The following RABGGTA variants were observed in gnomAD, a reference collection of about 807,000 sequenced individuals.
RABGGTA encodes geranylgeranyl transferase type-2 subunit alpha.
A neutral mutation model predicts 83.3 loss-of-function variants in RABGGTA; 69 were observed. The observed-to-expected ratio is 0.83, with a 90% CI of 0.68 to 1.01. The LOEUF is 1.01. Among genes scored for constraint, RABGGTA ranks in the 50% least tolerant of loss-of-function variants. RABGGTA has a pLI of 0.00. For missense variants in RABGGTA, 681 were observed against 712.7 expected (o/e 0.96, Z 0.51); for synonymous variants, 310 against 299.8 (o/e 1.03, Z -0.35).
At chr14:24,268,464 A>G in intron 10 of RABGGTA, 44 bp from the exon 11 acceptor site, 2 of 1,604,062 alleles carry the variant, frequency 1.2e-6, no homozygotes, top group Non-Finnish European at 8.5e-7. Context: ...CTTGAGAGGA[A>G]AAGAGTGATG....
chr14:24,266,519 T>TGGGGGCAGG lies in RABGGTA; in HGVS notation c.1468-11_1468-3dup. 1 of 1,613,552 alleles carries TGGGGGCAGG rather than the reference T, an allele frequency of 6.2e-7. No individual in the cohort carries two copies. The highest frequency in any genetic ancestry group is 8.5e-7 in the Non-Finnish European group (1 of 1,179,644). ...GGCATTATCACTGGCCTGCAGCACC[T>TGGGGGCAGG]GGGGGCAGGGAGGGCAGGGAGGCAG... On this transcript the variant is annotated splice_region_variant and splice_polypyrimidine_tract_variant and intron_variant, in intron 15 of 16. Coordinates refer to ENST00000216840, the MANE Select transcript of RABGGTA (RefSeq NM_182836.3).
chr14:24,269,112 G>A lies in RABGGTA; in HGVS notation c.683C>T (p.Ala228Val), dbSNP rs1371338135. The change falls in exon 7 of 17, where the codon GCC becomes GTC. Residue 228 changes from alanine to valine, a missense_variant. Around this residue, in one of 5 missense-constraint regions of RABGGTA, gnomAD observed 11 missense variants for 31.8 expected, o/e 0.35. Coordinates refer to ENST00000216840, the MANE Select transcript of RABGGTA (RefSeq NM_182836.3). ...TAGGAGCCAACGGTGATAAAACCAG[G>A]CACTCTGGTCATTGGGGTCAGTGAA... The part of the protein sequence containing the change: ...AFFTDPNDQS[A>V]WFYHRWLLGR... 6.2e-7 allele frequency: 1 copy of A among 1,611,710 alleles called. No homozygotes were observed. The highest frequency in any genetic ancestry group is 8.5e-7 in the Non-Finnish European group (1 of 1,178,860).
rs374791207 is a variant in RABGGTA, at chr14:24,268,425, G to A, written c.1007-5C>T. ...GGCACCAGCCCTCCTGGCGGCCTGGGGAAAGAGTAGGTGGTTGGAGGGTGC... is the reference window on the plus strand; with the variant it reads ...GGCACCAGCCCTCCTGGCGGCCTGGAGAAAGAGTAGGTGGTTGGAGGGTGC... On this transcript the variant is annotated splice_region_variant and splice_polypyrimidine_tract_variant and intron_variant, in intron 10 of 16. Coordinates refer to ENST00000216840, the MANE Select transcript of RABGGTA (RefSeq NM_182836.3). 258 of 1,613,640 alleles carry A rather than the reference G, an allele frequency of 1.6e-4. No individual in the cohort carries two copies. The highest frequency in any genetic ancestry group is 2.1e-4 in the Non-Finnish European group (247 of 1,179,904).
chr14:24,268,394 A>C lies in RABGGTA; in HGVS notation c.1033T>G (p.Ser345Ala). The C allele has an allele frequency of 3.1e-6, 5 of 1,613,434 alleles. No homozygotes were observed. Among genetic ancestry groups the C allele is most frequent in the Non-Finnish European group, 4.2e-6 (5 of 1,179,894 alleles). ...CTGAATAGCTGCTCGTCTGTCGTGG[A>C]GTCCCGGCACCAGCCCTCCTGGCGG... ...KGRQEGWCRD[S>A]TTDEQLFRCE... Residue 345 changes from serine (S) to alanine (A), a missense_variant, in exon 11 of 17, where the codon TCC (serine) becomes GCC (alanine). Transcript: ENST00000216840.
Position 24,266,804 on chromosome 14 carries a change from G to C in RABGGTA, c.1439C>G (p.Pro480Arg), listed in dbSNP as rs1281835150. The change falls in exon 15 of 17, where the codon CCT (proline) becomes CGT (arginine). Residue 480 changes from proline to arginine, a missense_variant. By Grantham distance (103) the Pro-to-Arg change is moderately radical. Around this residue, in one of 5 missense-constraint regions of RABGGTA, gnomAD observed 421 missense variants for 418.5 expected, o/e 1.01. Transcript: ENST00000216840. The stretch of plus-strand genomic sequence containing the variant: ...AAGGCAGCGCAGGGCAGCCAGTGCA[G>C]GTGGCAGGGTTCGGAGGCGATTGTG... ...LSHNRLRTLP[P>R]ALAALRCLEV... 8 of 1,613,830 alleles carry C rather than the reference G, an allele frequency of 5.0e-6. No homozygotes were observed. Among genetic ancestry groups the C allele is most frequent in the Admixed American group, 3.3e-5 (2 of 60,010 alleles).
intron 1 of RABGGTA, 113 bp from the exon 2 acceptor site, chr14:24,271,282 T>A: frequency 1.2e-6 from 1 of 859,822 alleles, no homozygotes; most frequent in Non-Finnish European, 1.7e-6. Flanking sequence ...AAAGAGGTCC[T>A]GGGACAGGCT....
At position 24,270,407 on chromosome 14, in the gene RABGGTA, G is replaced by C. The variant is rs746158531; in HGVS notation, c.166C>G (p.Leu56Val). 6.2e-7 allele frequency: 1 copy of C among 1,613,900 alleles called. No homozygotes were observed. The highest frequency in any genetic ancestry group is 1.7e-5 in the Admixed American group (1 of 60,004). ...ESVLELTSQI[L>V]GANPDFATLW... ...GTGGCAAAATCAGGGTTGGCTCCCAGAATCTGGCTTGTCAGTTCCAGCACG... is the reference window on the plus strand; with the variant it reads ...GTGGCAAAATCAGGGTTGGCTCCCACAATCTGGCTTGTCAGTTCCAGCACG... The change falls in exon 4 of 17, where the codon CTG (leucine) becomes GTG (valine). Residue 56 changes from leucine (L) to valine (V), a missense_variant. Around this residue, in one of 5 missense-constraint regions of RABGGTA, gnomAD observed 115 missense variants for 111.5 expected, o/e 1.03. Transcript: ENST00000216840.
In RABGGTA at chr14:24,270,849, G is replaced by A. The variant is rs779230044; in HGVS notation, c.102C>T (p.Ala34=). The A allele has an allele frequency of 3.7e-6, 6 of 1,613,672 alleles. No individual in the cohort carries two copies. Among genetic ancestry groups the A allele is most frequent in the East Asian group, 4.5e-5 (2 of 44,892 alleles). Residue 34 remains alanine, a synonymous_variant, in exon 3 of 17, where the codon GCC becomes GCT. Transcript: ENST00000216840. ...KLKLYQSATQ[A]VFQKRQAGEL... ...CTGAGGGCCCCACCTTCTGGAATAC[G>A]GCCTGGGTGGCTGACTGGTATAGCT...
intron 4 of RABGGTA, 92 bp from the exon 5 acceptor site, chr14:24,270,232 C>A: frequency 6.4e-7 from 1 of 1,560,472 alleles, no homozygotes; most frequent in Non-Finnish European, 8.7e-7. Flanking sequence ...CTACTATCCT[C>A]CATCTATGCC....
intron 1 of RABGGTA, 141 bp from the exon 2 acceptor site, chr14:24,271,310 G>T: frequency 1.7e-6 from 1 of 580,140 alleles, no homozygotes; most frequent in Non-Finnish European, 2.8e-6. Context: ...TTCCACAAGA[G>T]GTGAGCACCC....
intron 16 of RABGGTA, 33 bp from the exon 17 acceptor site, chr14:24,265,796 G>T (rs1287975651): frequency 6.4e-7 from 1 of 1,571,508 alleles, no homozygotes; most frequent in Admixed American, 1.9e-5. Flanking sequence ...AGCTTGGCAG[G>T]TTCCTCCCAA....
At position 24,267,854 on chromosome 14, in the gene RABGGTA, T is replaced by C; in HGVS notation, c.1236+16A>G. ...TGCTGGGCCTCCCCCTGGTCTGTTC[T>C]GCAGACAGAACTTGCCTTGAGGGTC... On this transcript the variant is annotated intron_variant, in intron 13 of 16. Transcript: ENST00000216840. 1 of 1,613,028 alleles carries C rather than the reference T, an allele frequency of 6.2e-7. No individual in the cohort carries two copies. Among genetic ancestry groups the C allele is most frequent in the South Asian group, 1.1e-5 (1 of 91,022 alleles).
At chr14:24,268,272 A>T in intron 11 of RABGGTA, 74 bp from the exon 12 acceptor site, 1 of 1,607,124 alleles carries the variant, frequency 6.2e-7, no homozygotes, top group Non-Finnish European at 8.5e-7. Flanking sequence ...CAGTATCTAG[A>T]CTGAAACAGC....
chr14:24,268,321 C>T, intron 11 of RABGGTA, 48 bp downstream of exon 11: 1 of 1,612,392 alleles, frequency 6.2e-7, no homozygotes, highest in Non-Finnish European at 8.5e-7. Flanking sequence ...CTGCCTGATG[C>T]CCAGAGTCCA....
chr14:24,270,456 G>A lies in RABGGTA; in HGVS notation c.117C>T (p.Arg39=). The A allele has an allele frequency of 1.9e-6, 3 of 1,614,046 alleles. No individual in the cohort carries two copies. Among genetic ancestry groups the A allele is most frequent in the Non-Finnish European group, 2.5e-6 (3 of 1,179,896 alleles). ...QSATQAVFQK[R]QAGELDESVL... ...CGGACTCATCCAGCTCACCAGCCTGGCGCTAAGAAGATAGGTGGCAGGGTT... is the reference window on the plus strand; with the variant it reads ...CGGACTCATCCAGCTCACCAGCCTGACGCTAAGAAGATAGGTGGCAGGGTT... The change falls in exon 4 of 17, where the codon CGC becomes CGT. Residue 39 remains arginine (R), a splice_region_variant and synonymous_variant. Transcript: ENST00000216840.
chr14:24,270,291 G>A lies in RABGGTA; in HGVS notation c.239+43C>T, dbSNP rs773719084. Reference sequence around the variant, plus strand: ...ACCCCTAGACCCAGGCAGTGCAGGCGCAGGGCCAGGGCAGTCTTCTGAGAT... The same window carrying A: ...ACCCCTAGACCCAGGCAGTGCAGGCACAGGGCCAGGGCAGTCTTCTGAGAT... On this transcript the variant is annotated intron_variant, in intron 4 of 16. Transcript: ENST00000216840. 18 of 1,606,840 alleles carry A rather than the reference G, an allele frequency of 1.1e-5. No individual in the cohort carries two copies. In the East Asian group the frequency reaches 2.0e-4, roughly 18 times the overall value.
chr14:24,271,441 C>G (rs776663101), intron 1 of RABGGTA, 46 bp downstream of exon 1: 3 of 256,502 alleles, frequency 1.2e-5, no homozygotes, highest in Non-Finnish European at 2.2e-5. Flanking sequence ...GCTACCCGCC[C>G]GTCCCACGGC....
chr14:24,267,830 G>A, intron 13 of RABGGTA, 40 bp downstream of exon 13: 1 of 1,611,114 alleles, frequency 6.2e-7, no homozygotes, highest in East Asian at 2.2e-5. Flanking sequence ...CCTCCTGCCT[G>A]CTGGGCCTCC....
Position 24,271,580 on chromosome 14 carries a change from A to C in RABGGTA, c.-148T>G, listed in dbSNP as rs924850578. 2.1e-4 allele frequency: 33 copies of C among 156,578 alleles called. No homozygotes were observed. The highest frequency in any genetic ancestry group is 7.4e-4 in the African/African-American group (31 of 41,620). 9.7% of individuals were successfully genotyped at this position (156,578 alleles called of 1,614,324 possible). A position where few individuals can be genotyped will look rare whatever the true frequency, so the allele number is the denominator to read the frequency against. ...AGCGGCGCCACGTCCCGGCTCATCG[A>C]AACGCAGCGCACTCTGCAGGCTTGG... On this transcript the variant is annotated 5_prime_UTR_variant, in exon 1 of 17. Coordinates refer to ENST00000216840, the MANE Select transcript of RABGGTA (RefSeq NM_182836.3).
Sources: allele counts gnomAD v4.1 joint callset, GRCh38; gene constraint gnomAD v4.1.1; regional missense constraint gnomAD v4.1.1; transcripts MANE v1.5; gene names NCBI Gene and HGNC (gene_info 2026-07-23, HGNC 2026-07-21).